BTC: variants seen among roughly 807,000 people sequenced by gnomAD.
BTC encodes probetacellulin.
Under a neutral mutation model 18.1 loss-of-function variants are expected in BTC, and 13 were observed. The ratio of observed to expected loss-of-function variants is 0.72; its 90% CI spans 0.47 to 1.14. BTC has a LOEUF of 1.14. BTC is among the 50% of genes most tolerant of loss of function. The pLI is 0.00. For missense variants in BTC, 247 were observed against 224.2 expected (o/e 1.10, Z -0.65); for synonymous variants, 83 against 79.4 (o/e 1.05, Z -0.24).
At chr4:74,775,094 A>C (rs1358908645) in intron 1 of BTC, among the ~76,000 whole-genome samples, 1 of 152,168 alleles carries the variant, frequency 6.6e-6, no homozygotes, top group Non-Finnish European at 1.5e-5. Context: ...GGTTGAGCAT[A>C]GAGAGGAATT....
At chr4:74,766,673 C>A (rs1346138672) in intron 2 of BTC, among the ~76,000 whole-genome samples, 1 of 151,992 alleles carries the variant, frequency 6.6e-6, no homozygotes, top group Non-Finnish European at 1.5e-5. Flanking sequence ...TGAATTCTAT[C>A]AAACATTTAA....
chr4:74,750,637 T>A lies in BTC; in HGVS notation c.364A>T (p.Ile122Phe), dbSNP rs782265385. The A allele has an allele frequency of 6.2e-7, 1 of 1,613,816 alleles. No homozygotes were observed. The part of the protein sequence containing the change: ...LRGDRGQILV[I>F]CLIAVMVVFI... The stretch of plus-strand genomic sequence containing the variant: ...ACTACCATAACTGCTATCAAACAAA[T>A]CACCAGAATCTGTCCTCTGTCTCCT... The change falls in exon 4 of 6, where the codon ATT becomes TTT. Residue 122 changes from isoleucine to phenylalanine, a missense_variant. Transcript: ENST00000395743.
intron 1 of BTC, among the ~76,000 whole-genome samples, chr4:74,785,711 T>G (rs1291241002): frequency 6.6e-6 from 1 of 152,218 alleles, no homozygotes; most frequent in Non-Finnish European, 1.5e-5. Flanking sequence ...TTACCCACTT[T>G]CAGCTTCCTC....
intron 1 of BTC, among the ~76,000 whole-genome samples, chr4:74,777,915 G>C (rs913896181): frequency 6.6e-6 from 1 of 151,978 alleles, no homozygotes; most frequent in African/African-American, 2.4e-5. Context: ...AAAGCAATAA[G>C]CATTTGGGGA....
chr4:74,757,886 T>C (rs1724643470), intron 2 of BTC, among the ~76,000 whole-genome samples: 1 of 152,180 alleles, frequency 6.6e-6, no homozygotes, highest in Admixed American at 6.5e-5. Flanking sequence ...AACATCTACA[T>C]TGAAGGTCTG....
chr4:74,749,453 A>T (rs1553955845), intron 4 of BTC, among the ~76,000 whole-genome samples: 1 of 151,306 alleles, frequency 6.6e-6, no homozygotes, highest in African/African-American at 2.4e-5. Context: ...ATTGCACTCC[A>T]GCCTGGGCAA....
intron 1 of BTC, among the ~76,000 whole-genome samples, chr4:74,773,153 G>T (rs1725089039): frequency 6.6e-6 from 1 of 152,204 alleles, no homozygotes; most frequent in Non-Finnish European, 1.5e-5. Context: ...AGAAGCATTT[G>T]CCTGGCCTGC....
chr4:74,787,926 C>A (rs1725524573), intron 1 of BTC, among the ~76,000 whole-genome samples: 1 of 152,170 alleles, frequency 6.6e-6, no homozygotes, highest in Non-Finnish European at 1.5e-5. Context: ...AGCAAACCAG[C>A]AAACCACTCA....
At chr4:74,762,591 G>A (rs993991162) in intron 2 of BTC, among the ~76,000 whole-genome samples, 5 of 152,018 alleles carry the variant, frequency 3.3e-5, no homozygotes, top group African/African-American at 9.7e-5. Flanking sequence ...AAGGAGGGCT[G>A]AAGGAAGGAA....
At chr4:74,761,016 G>C (rs1724741914) in intron 2 of BTC, among the ~76,000 whole-genome samples, 2 of 152,252 alleles carry the variant, frequency 1.3e-5, no homozygotes, top group Non-Finnish European at 2.9e-5. Flanking sequence ...TTACAGGCGT[G>C]AGCCAATGCG....
chr4:74,792,622 T>C (rs6848560), intron 1 of BTC, among the ~76,000 whole-genome samples: 86,633 of 152,134 alleles, frequency 0.57, 26,728 homozygotes, highest in African/African-American at 0.82. Context: ...AATCTGGCTT[T>C]TTCAGTTCTT....
intron 4 of BTC, among the ~76,000 whole-genome samples, chr4:74,749,931 C>CA (rs782482968): frequency 0.016 from 1,206 of 73,920 alleles, 38 homozygotes; most frequent in African/African-American, 0.038. Flanking sequence ...CCAGTCTCCA[C>CA]AAAAAAAAAA....
chr4:74,750,683 T>C lies in BTC; in HGVS notation c.318A>G (p.Arg106=). The change falls in exon 4 of 6, where the codon AGA becomes AGG. Residue 106 remains arginine, a synonymous_variant. Coordinates refer to ENST00000395743, the MANE Select transcript of BTC (RefSeq NM_001729.4). The part of the protein sequence containing the change: ...DEGYIGARCE[R]VDLFYLRGDR... ...CTCCTCTTAGGTAAAACAAGTCAACTCTCTCACACCTTGCTCCAATGTAGC... is the reference window on the plus strand; with the variant it reads ...CTCCTCTTAGGTAAAACAAGTCAACCCTCTCACACCTTGCTCCAATGTAGC... 1 of 1,613,868 alleles carries C rather than the reference T, an allele frequency of 6.2e-7. No homozygotes were observed. Among genetic ancestry groups the C allele is most frequent in the Non-Finnish European group, 8.5e-7 (1 of 1,179,914 alleles).
In BTC at chr4:74,746,219, G is replaced by A. The variant is rs141604975; in HGVS notation, c.*458C>T. The A allele has an allele frequency of 1.4e-4, 22 of 152,254 alleles. No homozygotes were observed. The highest frequency in any genetic ancestry group is 4.8e-4 in the African/African-American group (20 of 41,556). 9.4% of individuals were successfully genotyped at this position (152,254 alleles called of 1,614,324 possible). A position where few individuals can be genotyped will look rare whatever the true frequency, so the allele number is the denominator to read the frequency against. Reference sequence around the variant, plus strand: ...TATTTGACTTGACTTCTTTGGCCCTGTTTCCATATGTAGGAAATGAGGATT... The same window carrying A: ...TATTTGACTTGACTTCTTTGGCCCTATTTCCATATGTAGGAAATGAGGATT... On this transcript the variant is annotated 3_prime_UTR_variant, in exon 6 of 6. Coordinates refer to ENST00000395743, the MANE Select transcript of BTC (RefSeq NM_001729.4).
chr4:74,777,938 C>T (rs894298862), intron 1 of BTC, among the ~76,000 whole-genome samples: 3 of 152,018 alleles, frequency 2.0e-5, no homozygotes, highest in Admixed American at 2.0e-4. Context: ...TTTCTTATTA[C>T]ATCTTCACTG....
intron 1 of BTC, among the ~76,000 whole-genome samples, chr4:74,773,339 C>T (rs759016953): frequency 3.3e-5 from 5 of 152,124 alleles, no homozygotes; most frequent in Non-Finnish European, 5.9e-5. Context: ...GCTTCCTGCA[C>T]TTATTTATTT....
At chr4:74,758,067 A>T (rs1301005624) in intron 2 of BTC, among the ~76,000 whole-genome samples, 1 of 152,190 alleles carries the variant, frequency 6.6e-6, no homozygotes, top group Non-Finnish European at 1.5e-5. Context: ...TGTATGGAAA[A>T]TGTAGATTTT....
At chr4:74,754,719 G>T (rs1173370965) in intron 3 of BTC, among the ~76,000 whole-genome samples, 1 of 152,128 alleles carries the variant, frequency 6.6e-6, no homozygotes, top group Non-Finnish European at 1.5e-5. Flanking sequence ...TTACATTGAA[G>T]GGAACAATCT....
chr4:74,750,747 T>C, intron 3 of BTC, 28 bp from the exon 4 acceptor site: 1 of 1,600,344 alleles, frequency 6.2e-7, no homozygotes, highest in Non-Finnish European at 8.5e-7. Context: ...GGCAAGGAAG[T>C]AAAACTTGCA....
Sources: gnomAD v4.1 joint callset for allele counts (sites outside exome capture counted in the v4.1 genomes callset) on GRCh38, gnomAD v4.1.1 for gene constraint, MANE v1.5 for transcripts, NCBI Gene and HGNC (gene_info 2026-07-23, HGNC 2026-07-21) for gene names.